The following GRIA1 variants were observed in gnomAD, a reference collection of about 807,000 sequenced individuals.
The protein encoded by GRIA1 is glutamate ionotropic receptor AMPA type subunit 1.
Under a neutral mutation model 99.2 loss-of-function variants are expected in GRIA1, and 31 were observed. That is an observed-to-expected ratio of 0.31 (90% CI 0.23 to 0.42). The LOEUF is 0.42. GRIA1 is among the 10% of genes least tolerant of loss of function. GRIA1 has a pLI of 1.00. For missense variants in GRIA1, 782 were observed against 1,157.5 expected, an observed-to-expected ratio of 0.68 and a Z score of 4.71; for synonymous variants, 438 against 432.4, an observed-to-expected ratio of 1.01 and a Z score of -0.16.
intron 15 of GRIA1, among the ~76,000 whole-genome samples, chr5:153,810,819 T>C (rs948709270): frequency 6.6e-6 from 1 of 152,200 alleles, no homozygotes; most frequent in Non-Finnish European, 1.5e-5. Context: ...AACATTCAAC[T>C]TGAGGCTAAG....
At chr5:153,654,767 G>A (rs1410481589) in intron 4 of GRIA1, among the ~76,000 whole-genome samples, 1 of 152,084 alleles carries the variant, frequency 6.6e-6, no homozygotes, top group South Asian at 2.1e-4. Flanking sequence ...ATGTCTCCTT[G>A]CAACAGTGCA....
chr5:153,592,808 T>C (rs79177865), intron 2 of GRIA1, among the ~76,000 whole-genome samples: 7,379 of 152,296 alleles, frequency 0.048, 250 homozygotes, highest in Non-Finnish European at 0.072. Context: ...ACAAGATCAA[T>C]GTGAGGCCAA....
chr5:153,596,761 GA>G (rs1178052078), intron 2 of GRIA1, among the ~76,000 whole-genome samples: 2 of 152,248 alleles, frequency 1.3e-5, no homozygotes, highest in Admixed American at 1.3e-4. Flanking sequence ...CTCAGCCTTA[GA>G]GATTAAAATG....
At position 153,712,121 on chromosome 5, in the gene GRIA1, G is replaced by A. The variant is rs186831408; in HGVS notation, c.1823+6054G>A. The stretch of plus-strand genomic sequence containing the variant: ...AGCTGGAGTGCAATGGCATGATCTC[G>A]GTTCACTGTAACCTCCACCTCCCGG... On this transcript the variant is annotated intron_variant, in intron 11 of 15. Transcript: ENST00000285900. Among the ~76,000 whole-genome samples, 462 of 152,184 alleles carry A rather than the reference G, an allele frequency of 3.0e-3. 4 individuals carry two copies. The highest frequency in any genetic ancestry group is 0.01 in the African/African-American group (424 of 41,522).
At chr5:153,534,684 C>T (rs761647733) in intron 2 of GRIA1, among the ~76,000 whole-genome samples, 1 of 152,092 alleles carries the variant, frequency 6.6e-6, no homozygotes, top group African/African-American at 2.4e-5. Context: ...GCCTCAGGGT[C>T]ATCATTACCA....
At chr5:153,543,808 G>T (rs1477668184) in intron 2 of GRIA1, among the ~76,000 whole-genome samples, 2 of 152,130 alleles carry the variant, frequency 1.3e-5, no homozygotes, top group African/African-American at 4.8e-5. Flanking sequence ...ATAGATATTT[G>T]GTTTTCTGTT....
intron 15 of GRIA1, among the ~76,000 whole-genome samples, chr5:153,807,002 A>G (rs1766475281): frequency 1.3e-5 from 2 of 152,220 alleles, no homozygotes; most frequent in Middle Eastern, 3.2e-3. Context: ...CCACATGGCA[A>G]CGGATCATTT....
intron 2 of GRIA1, among the ~76,000 whole-genome samples, chr5:153,519,186 C>A (rs546069847): frequency 2.0e-5 from 3 of 151,964 alleles, no homozygotes; most frequent in Non-Finnish European, 2.9e-5. Context: ...TCGCTGGAAT[C>A]GGGAGGTGGC....
At chr5:153,671,465 G>A (rs1241820499) in intron 5 of GRIA1, among the ~76,000 whole-genome samples, 5 of 152,146 alleles carry the variant, frequency 3.3e-5, no homozygotes, top group African/African-American at 1.2e-4. Flanking sequence ...ATGGTATAAC[G>A]TCTTGGAATG....
At chr5:153,723,683 G>C (rs928041214) in intron 11 of GRIA1, among the ~76,000 whole-genome samples, 2 of 152,148 alleles carry the variant, frequency 1.3e-5, no homozygotes, top group African/African-American at 4.8e-5. Flanking sequence ...CGGCAGCAAG[G>C]CTGGGGGAGG....
chr5:153,807,569 C>T (rs1766519947), intron 15 of GRIA1, among the ~76,000 whole-genome samples: 1 of 152,114 alleles, frequency 6.6e-6, no homozygotes, highest in Non-Finnish European at 1.5e-5. Context: ...AACTCTTGCC[C>T]AGAAAGGGGA....
chr5:153,578,703 TCGAGAC>T (rs1762787626), intron 2 of GRIA1, among the ~76,000 whole-genome samples: 1 of 152,162 alleles, frequency 6.6e-6, no homozygotes, highest in African/African-American at 2.4e-5. Context: ...GGTCAGGAAT[TCGAGAC>T]CAGCCTGGCC....
intron 13 of GRIA1, among the ~76,000 whole-genome samples, chr5:153,788,392 T>C (rs926630075): frequency 1.3e-5 from 2 of 152,174 alleles, no homozygotes; most frequent in South Asian, 4.1e-4. Flanking sequence ...CCTCCCTGCA[T>C]TGGGAGAACT....
At chr5:153,673,990 C>A (rs1456728384) in intron 5 of GRIA1, among the ~76,000 whole-genome samples, 1 of 152,220 alleles carries the variant, frequency 6.6e-6, no homozygotes, top group Non-Finnish European at 1.5e-5. Flanking sequence ...CCTTGGGTAA[C>A]TCATAGGAGC....
At position 153,661,710 on chromosome 5, in the gene GRIA1, A is replaced by G. The variant is rs562727505; in HGVS notation, c.699+5838A>G. Among the ~76,000 whole-genome samples, 11 of 152,340 alleles carry G rather than the reference A, an allele frequency of 7.2e-5. No homozygotes were observed. In the South Asian group the frequency reaches 2.3e-3, roughly 32 times the overall value. Reference sequence around the variant, plus strand: ...TGAATAAATGAATTCCTAGAAAATAATGTCTGCACCTACATATCAAATGTA... The same window carrying G: ...TGAATAAATGAATTCCTAGAAAATAGTGTCTGCACCTACATATCAAATGTA... On this transcript the variant is annotated intron_variant, in intron 5 of 15. Transcript: ENST00000285900.
intron 2 of GRIA1, among the ~76,000 whole-genome samples, chr5:153,546,280 G>A (rs1352778084): frequency 6.6e-6 from 1 of 152,196 alleles, no homozygotes; most frequent in Non-Finnish European, 1.5e-5. Flanking sequence ...TCAGGGAAGA[G>A]ATGGAGCAAA....
At chr5:153,665,702 A>G (rs1324640101) in intron 5 of GRIA1, among the ~76,000 whole-genome samples, 4 of 152,206 alleles carry the variant, frequency 2.6e-5, no homozygotes, top group African/African-American at 9.6e-5. Context: ...AGAGAAATCA[A>G]GTGGCTCAGA....
chr5:153,493,772 T>C (rs1754151665), intron 1 of GRIA1, among the ~76,000 whole-genome samples, 156 bp from the exon 2 acceptor site: 1 of 152,158 alleles, frequency 6.6e-6, no homozygotes. Context: ...AGTTTCAGTG[T>C]CCAGTTAAGC....
intron 2 of GRIA1, among the ~76,000 whole-genome samples, chr5:153,644,875 T>C (rs1434549383): frequency 6.6e-6 from 1 of 150,608 alleles, no homozygotes. Flanking sequence ...AGGAAGAGAG[T>C]GAAAGCCAGT....
Sources: gnomAD v4.1 joint callset for allele counts (sites outside exome capture counted in the v4.1 genomes callset) on GRCh38, gnomAD v4.1.1 for gene constraint, MANE v1.5 for transcripts, NCBI Gene and HGNC (gene_info 2026-07-23, HGNC 2026-07-21) for gene names.